The following GALNT13 variants were observed in gnomAD, a reference collection of about 807,000 sequenced individuals.
GALNT13 encodes polypeptide N-acetylgalactosaminyltransferase 13.
A neutral mutation model predicts 64.2 loss-of-function variants in GALNT13; 28 were observed. That is an observed-to-expected ratio of 0.44 (90% CI 0.32 to 0.60). The LOEUF (loss-of-function observed/expected upper bound fraction) is 0.60, where lower values mean the gene tolerates loss of function less well. Ranked by LOEUF, GALNT13 falls within the 20% of genes least tolerant of loss-of-function variation. The pLI is 0.05. For missense variants in GALNT13, 577 were observed against 669.8 expected, an observed-to-expected ratio of 0.86 and a Z score of 1.53; for synonymous variants, 214 against 224.6, an observed-to-expected ratio of 0.95 and a Z score of 0.42.
chr2:153,586,126 G>T, the GALNT13 span, among the ~76,000 whole-genome samples: 13 of 151,992 alleles, frequency 8.6e-5, no homozygotes, highest in Admixed American at 8.5e-4. Context: ...CACAAAGACA[G>T]AGAAAAAGGA....
chr2:153,694,822 G>A, the GALNT13 span, among the ~76,000 whole-genome samples: 3 of 152,118 alleles, frequency 2.0e-5, no homozygotes, highest in Non-Finnish European at 2.9e-5. Flanking sequence ...AAGATACTAT[G>A]TCCGGACAAT....
At chr2:153,827,666 G>A in the GALNT13 span, among the ~76,000 whole-genome samples, 18 of 148,282 alleles carry the variant, frequency 1.2e-4, no homozygotes, top group South Asian at 1.9e-3. Context: ...GAACACAGCC[G>A]AAGTATATCA....
At chr2:153,714,607 T>C in the GALNT13 span, among the ~76,000 whole-genome samples, 1 of 152,200 alleles carries the variant, frequency 6.6e-6, no homozygotes, top group Non-Finnish European at 1.5e-5. Flanking sequence ...TGCAATGTTA[T>C]AATTAAGGTA....
At chr2:154,418,936 A>T (rs1381955456) in intron 11 of GALNT13, among the ~76,000 whole-genome samples, 1 of 152,072 alleles carries the variant, frequency 6.6e-6, no homozygotes, top group East Asian at 1.9e-4. Flanking sequence ...TAATTGTAGA[A>T]TTTTTGTTTT....
chr2:154,359,669 T>C (rs1696951589), intron 9 of GALNT13, among the ~76,000 whole-genome samples: 1 of 152,142 alleles, frequency 6.6e-6, no homozygotes. Flanking sequence ...CTTGTACATG[T>C]TACTATATTT....
chr2:154,366,428 G>T (rs1250425556), intron 9 of GALNT13, among the ~76,000 whole-genome samples: 1 of 152,112 alleles, frequency 6.6e-6, no homozygotes, highest in Non-Finnish European at 1.5e-5. Flanking sequence ...TGCATATGTA[G>T]CACAGCCTCA....
the GALNT13 span, among the ~76,000 whole-genome samples, chr2:153,819,429 C>A: frequency 3.9e-5 from 6 of 152,268 alleles, no homozygotes; most frequent in South Asian, 8.3e-4. Context: ...GAAGGGGAAC[C>A]AGTGCAGCTC....
chr2:153,203,393 G>T, the GALNT13 span, among the ~76,000 whole-genome samples: 1 of 152,074 alleles, frequency 6.6e-6, no homozygotes, highest in Admixed American at 6.6e-5. Flanking sequence ...TAAAAAATTG[G>T]CAGGCAATAT....
At chr2:153,382,757 G>A in the GALNT13 span, among the ~76,000 whole-genome samples, 1 of 152,026 alleles carries the variant, frequency 6.6e-6, no homozygotes, top group Non-Finnish European at 1.5e-5. Context: ...TAGACATAAA[G>A]GTATTTAAAC....
chr2:154,126,226 G>T (rs985892684), intron 3 of GALNT13, among the ~76,000 whole-genome samples: 6 of 152,120 alleles, frequency 3.9e-5, no homozygotes, highest in African/African-American at 1.4e-4. Flanking sequence ...AGATGAATTT[G>T]CAAGACTGAA....
At chr2:153,570,051 C>A in the GALNT13 span, among the ~76,000 whole-genome samples, 1 of 152,170 alleles carries the variant, frequency 6.6e-6, no homozygotes, top group African/African-American at 2.4e-5. Context: ...TACAAATTTA[C>A]ATTCTTACCA....
In GALNT13 at chr2:154,080,897, C is replaced by T. The variant is rs754374749; in HGVS notation, c.143-59440C>T. On this transcript the variant is annotated intron_variant, in intron 3 of 12. Transcript: ENST00000392825. Reference sequence around the variant, plus strand: ...CAGGATCCTTAAACATGTTATCCATCTAGTTTCTAAGAGGGAGGACAGGAA... The same window carrying T: ...CAGGATCCTTAAACATGTTATCCATTTAGTTTCTAAGAGGGAGGACAGGAA... Among the ~76,000 whole-genome samples, 4 of 151,662 alleles carry T rather than the reference C, an allele frequency of 2.6e-5. No individual in the cohort carries two copies. In the South Asian group the frequency reaches 6.2e-4, roughly 24 times the overall value.
chr2:153,662,446 G>A, the GALNT13 span, among the ~76,000 whole-genome samples: 1 of 152,168 alleles, frequency 6.6e-6, no homozygotes, highest in East Asian at 1.9e-4. Flanking sequence ...AACTTAGCCA[G>A]TGACGATGGC....
chr2:153,875,588 G>T (rs1334126132), intron 1 of GALNT13, among the ~76,000 whole-genome samples: 1 of 152,130 alleles, frequency 6.6e-6, no homozygotes, highest in African/African-American at 2.4e-5. Context: ...AATAGAGCTT[G>T]TACAGCTTAT....
the GALNT13 span, among the ~76,000 whole-genome samples, chr2:153,215,286 AT>A: frequency 2.6e-5 from 4 of 152,014 alleles, no homozygotes; most frequent in East Asian, 7.7e-4. Context: ...TCCGCCAGAG[AT>A]TTTTTAATAT....
At chr2:153,475,194 A>T in the GALNT13 span, among the ~76,000 whole-genome samples, 1 of 152,172 alleles carries the variant, frequency 6.6e-6, no homozygotes, top group Non-Finnish European at 1.5e-5. Flanking sequence ...TAAAAACCAG[A>T]ACTACTTGGC....
the GALNT13 span, among the ~76,000 whole-genome samples, chr2:153,111,992 G>T: frequency 6.6e-6 from 1 of 152,034 alleles, no homozygotes; most frequent in Non-Finnish European, 1.5e-5. Flanking sequence ...CTAGGCAATG[G>T]GGATATGAAT....
chr2:154,121,806 A>G (rs1681959382), intron 3 of GALNT13, among the ~76,000 whole-genome samples: 1 of 151,966 alleles, frequency 6.6e-6, no homozygotes, highest in Admixed American at 6.6e-5. Flanking sequence ...AGTAATGACA[A>G]TTTTATTTCT....
the GALNT13 span, among the ~76,000 whole-genome samples, chr2:153,791,628 T>C: frequency 5.9e-5 from 9 of 152,194 alleles, no homozygotes; most frequent in Non-Finnish European, 1.3e-4. Context: ...TACATGTGTA[T>C]GTTCATTCCA....
Sources: gnomAD v4.1 joint callset for allele counts (sites outside exome capture counted in the v4.1 genomes callset) on GRCh38, gnomAD v4.1.1 for gene constraint, MANE v1.5 for transcripts, NCBI Gene and HGNC (gene_info 2026-07-23, HGNC 2026-07-21) for gene names.